The following MNAT1 variants were observed in gnomAD, a reference collection of about 807,000 sequenced individuals.
The protein encoded by MNAT1 is CDK-activating kinase assembly factor MAT1.
In MNAT1, 43 loss-of-function variants were observed where a neutral mutation model predicts 42.0. The observed-to-expected ratio is 1.02, with a 90% CI of 0.80 to 1.32. The LOEUF (loss-of-function observed/expected upper bound fraction) is 1.32. Ranked by LOEUF, MNAT1 falls within the 40% of genes most tolerant of loss-of-function variation. The pLI, the probability that MNAT1 is intolerant of heterozygous loss-of-function variation, is 0.00. For missense variants in MNAT1, 306 were observed against 350.4 expected, an observed-to-expected ratio of 0.87 and a Z score of 1.01; for synonymous variants, 118 against 120.0, an observed-to-expected ratio of 0.98 and a Z score of 0.11.
intron 6 of MNAT1, among the ~76,000 whole-genome samples, chr14:60,821,194 C>T (rs943635792): frequency 3.3e-5 from 5 of 152,158 alleles, no homozygotes; most frequent in Non-Finnish European, 5.9e-5. Flanking sequence ...GTTGCCCAGG[C>T]TGGCCTCAAA....
chr14:60,880,747 A>G (rs1318661319), intron 7 of MNAT1, among the ~76,000 whole-genome samples: 1 of 152,232 alleles, frequency 6.6e-6, no homozygotes, highest in African/African-American at 2.4e-5. Flanking sequence ...AGGTAAAGTT[A>G]CATTTAAATG....
At chr14:60,835,222 T>A (rs907807706) in intron 6 of MNAT1, among the ~76,000 whole-genome samples, 2 of 152,178 alleles carry the variant, frequency 1.3e-5, no homozygotes, top group Non-Finnish European at 2.9e-5. Flanking sequence ...AGCCTGTGTC[T>A]TTTAATTGGG....
intron 7 of MNAT1, among the ~76,000 whole-genome samples, chr14:60,914,199 C>T (rs1040273405): frequency 2.0e-5 from 3 of 152,178 alleles, no homozygotes; most frequent in Non-Finnish European, 4.4e-5. Flanking sequence ...GTGGGAGTGA[C>T]CCAATTTTCC....
At chr14:60,888,107 C>G (rs1429880773) in intron 7 of MNAT1, among the ~76,000 whole-genome samples, 2 of 148,308 alleles carry the variant, frequency 1.3e-5, no homozygotes, top group Non-Finnish European at 3.0e-5. Context: ...ATGAGGCCAG[C>G]ATCATCCTGA....
intron 1 of MNAT1, among the ~76,000 whole-genome samples, chr14:60,761,397 A>C: frequency 6.6e-6 from 1 of 152,326 alleles, no homozygotes; most frequent in African/African-American, 2.4e-5. Flanking sequence ...GAACTCTTTG[A>C]ACAGTGTTCT....
At chr14:60,744,377 G>C (rs1041217826) in intron 1 of MNAT1, among the ~76,000 whole-genome samples, 1 of 151,658 alleles carries the variant, frequency 6.6e-6, no homozygotes, top group Non-Finnish European at 1.5e-5. Flanking sequence ...AGTGATCTGC[G>C]TGCCTCGGCC....
At chr14:60,795,498 C>G (rs2031985094) in intron 1 of MNAT1, among the ~76,000 whole-genome samples, 1 of 152,128 alleles carries the variant, frequency 6.6e-6, no homozygotes, top group Admixed American at 6.5e-5. Flanking sequence ...GTTGCACTAC[C>G]AGAAAAGGGG....
At chr14:60,901,315 T>C (rs7150492) in intron 7 of MNAT1, among the ~76,000 whole-genome samples, 141,112 of 152,230 alleles carry the variant, frequency 0.93, 65,903 homozygotes, top group Non-Finnish European at 0.99. Context: ...TCTTTCAAAA[T>C]ACTGCTACTC....
intron 6 of MNAT1, among the ~76,000 whole-genome samples, chr14:60,822,125 T>C (rs2032906785): frequency 6.6e-6 from 1 of 152,226 alleles, no homozygotes; most frequent in African/African-American, 2.4e-5. Context: ...GCTAGCCCTC[T>C]TAGATAGTCT....
At chr14:60,885,655 A>G (rs1196349295) in intron 7 of MNAT1, among the ~76,000 whole-genome samples, 1 of 152,012 alleles carries the variant, frequency 6.6e-6, no homozygotes, top group Non-Finnish European at 1.5e-5. Context: ...TAATTTGGGT[A>G]TTAACCCTTT....
intron 7 of MNAT1, among the ~76,000 whole-genome samples, chr14:60,957,348 C>T (rs2036504676): frequency 6.6e-6 from 1 of 152,156 alleles, no homozygotes; most frequent in South Asian, 2.1e-4. Context: ...ACTCTCAGTT[C>T]CACATGGTTG....
chr14:60,894,780 C>T (rs748924979), intron 7 of MNAT1, among the ~76,000 whole-genome samples: 2 of 152,058 alleles, frequency 1.3e-5, no homozygotes, highest in Middle Eastern at 3.2e-3. Flanking sequence ...TAGAAGTAGA[C>T]TTTTGTCTTT....
chr14:60,748,197 AG>A (rs1040629717), intron 1 of MNAT1, among the ~76,000 whole-genome samples: 1 of 151,686 alleles, frequency 6.6e-6, no homozygotes, highest in Non-Finnish European at 1.5e-5. Context: ...ACTCTGTCTC[AG>A]AAAAAAAAAA....
chr14:60,913,456 T>C (rs945521808), intron 7 of MNAT1, among the ~76,000 whole-genome samples: 1 of 152,078 alleles, frequency 6.6e-6, no homozygotes. Context: ...ATCTTTGTGG[T>C]TTTATCTACC....
chr14:60,754,391 G>T (rs2030240954), intron 1 of MNAT1, among the ~76,000 whole-genome samples: 1 of 149,538 alleles, frequency 6.7e-6, no homozygotes, highest in Non-Finnish European at 1.5e-5. Context: ...GCCCAAGCTG[G>T]AGTTGGAGTG....
At chr14:60,929,988 C>T (rs1327679843) in intron 7 of MNAT1, among the ~76,000 whole-genome samples, 1 of 151,942 alleles carries the variant, frequency 6.6e-6, no homozygotes, top group East Asian at 1.9e-4. Flanking sequence ...ACTCTTTAAA[C>T]TCAAATTGTT....
intron 6 of MNAT1, among the ~76,000 whole-genome samples, chr14:60,823,295 C>T (rs1372865738): frequency 6.6e-6 from 1 of 152,122 alleles, no homozygotes; most frequent in Non-Finnish European, 1.5e-5. Flanking sequence ...GCAGTGCTCT[C>T]TGTTTATCTG....
intron 1 of MNAT1, among the ~76,000 whole-genome samples, chr14:60,781,503 G>A (rs1483803856): frequency 1.3e-5 from 2 of 151,974 alleles, no homozygotes; most frequent in Non-Finnish European, 2.9e-5. Context: ...TAGAGATGAT[G>A]GGGTCTTGCT....
At chr14:60,776,822 G>GT (rs371508507) in intron 1 of MNAT1, among the ~76,000 whole-genome samples, 5 of 151,750 alleles carry the variant, frequency 3.3e-5, no homozygotes, top group African/African-American at 9.7e-5. Flanking sequence ...TAGTGTTGTG[G>GT]TTTTTTTTGT....
Sources: gnomAD v4.1 joint callset for allele counts (sites outside exome capture counted in the v4.1 genomes callset) on GRCh38, gnomAD v4.1.1 for gene constraint, MANE v1.5 for transcripts, NCBI Gene and HGNC (gene_info 2026-07-23, HGNC 2026-07-21) for gene names.